The following PARVB variants were observed in gnomAD, a reference collection of about 807,000 sequenced individuals.
PARVB encodes parvin beta, also known as beta-parvin.
Under a neutral mutation model 47.0 loss-of-function variants are expected in PARVB, and 46 were observed. The ratio of observed to expected loss-of-function variants is 0.98; its 90% CI spans 0.77 to 1.25. The LOEUF is 1.25. Among genes scored for constraint, PARVB ranks in the 50% most tolerant of loss-of-function variants. The pLI, the probability that PARVB is intolerant of heterozygous loss-of-function variation, is 0.00. For synonymous variants in PARVB, 196 were observed against 196.3 expected, an observed-to-expected ratio of 1.00 and a Z score of 0.01; for missense variants, 473 against 471.6, an observed-to-expected ratio of 1.00 and a Z score of -0.03.
In PARVB at chr22:44,155,411, G is replaced by A. The variant is rs956438624; in HGVS notation, c.844-2571G>A. Among the ~76,000 whole-genome samples, 1 of 152,194 alleles carries A rather than the reference G, an allele frequency of 6.6e-6. No homozygotes were observed. The highest frequency in any genetic ancestry group is 2.4e-5 in the African/African-American group (1 of 41,454). The stretch of plus-strand genomic sequence containing the variant: ...TGCTTGTGAAAGTGGAGGGTCACCC[G>A]CTCGCAGCTGGGCCCCCCAGCCCTG... On this transcript the variant is annotated intron_variant, in intron 10 of 12. Coordinates refer to ENST00000338758, the MANE Select transcript of PARVB (RefSeq NM_013327.5). This position sits in a 1 kb window ranked among gnomAD's most constrained non-coding sequence, Gnocchi z 4.8.
At chr22:44,071,279 G>A (rs976197953) in intron 1 of PARVB, among the ~76,000 whole-genome samples, 3 of 152,248 alleles carry the variant, frequency 2.0e-5, no homozygotes, top group East Asian at 1.9e-4. Context: ...ACCTGTGAAC[G>A]TCTAAACTGC....
intron 1 of PARVB, among the ~76,000 whole-genome samples, chr22:44,043,345 T>C (rs2051052808): frequency 6.6e-6 from 1 of 152,200 alleles, no homozygotes; most frequent in Non-Finnish European, 1.5e-5. Context: ...TCTGTGAATT[T>C]ACTAAAAATC....
At chr22:44,161,559 G>A (rs1235874602) in intron 11 of PARVB, among the ~76,000 whole-genome samples, 6 of 152,060 alleles carry the variant, frequency 3.9e-5, no homozygotes, top group East Asian at 1.9e-4. Flanking sequence ...TGATCCACCC[G>A]CCTCAGCCTC....
chr22:44,167,572 C>G (rs969305011), intron 12 of PARVB, among the ~76,000 whole-genome samples: 1 of 152,128 alleles, frequency 6.6e-6, no homozygotes, highest in African/African-American at 2.4e-5. Context: ...TGCTGCCCCC[C>G]TCGCCTTGGC....
At chr22:44,092,915 C>T (rs892660035) in intron 1 of PARVB, among the ~76,000 whole-genome samples, 2 of 152,130 alleles carry the variant, frequency 1.3e-5, no homozygotes, top group Admixed American at 1.3e-4. Context: ...GAGGAAATAC[C>T]ATTTTACTTC....
At chr22:44,096,774 C>T (rs2052317441) in intron 2 of PARVB, among the ~76,000 whole-genome samples, 1 of 152,128 alleles carries the variant, frequency 6.6e-6, no homozygotes, top group Non-Finnish European at 1.5e-5. Context: ...TGTCCTTGGG[C>T]ACGTTTTATT....
intron 10 of PARVB, among the ~76,000 whole-genome samples, chr22:44,154,872 T>C (rs907524282): frequency 1.0e-4 from 15 of 148,848 alleles, no homozygotes; most frequent in African/African-American, 3.5e-4. Flanking sequence ...TGGGGGTGTG[T>C]GTGTGTGGTT....
intron 11 of PARVB, among the ~76,000 whole-genome samples, chr22:44,159,123 C>T (rs148851975): frequency 6.6e-6 from 1 of 152,304 alleles, no homozygotes; most frequent in Non-Finnish European, 1.5e-5. Flanking sequence ...CAGAATTGTG[C>T]AGAACTCACC....
At chr22:44,038,929 G>T (rs1179823266) in intron 1 of PARVB, among the ~76,000 whole-genome samples, 1 of 152,184 alleles carries the variant, frequency 6.6e-6, no homozygotes, top group Non-Finnish European at 1.5e-5. Context: ...CACAGTCAAC[G>T]CAGTAAAAGA....
At chr22:44,127,888 G>A (rs1225909072) in intron 4 of PARVB, among the ~76,000 whole-genome samples, 1 of 151,926 alleles carries the variant, frequency 6.6e-6, no homozygotes, top group African/African-American at 2.4e-5. Context: ...AGGCTTGGAT[G>A]ATCTTCCCAC....
chr22:44,011,046 G>A (rs1270907819), intron 2 of PARVB, among the ~76,000 whole-genome samples: 5 of 152,100 alleles, frequency 3.3e-5, no homozygotes, highest in African/African-American at 4.8e-5. Context: ...GGATGGTCTC[G>A]ATCTCCTGAC....
chr22:44,093,887 C>T (rs781168181), intron 1 of PARVB, 41 bp from the exon 2 acceptor site: 35 of 1,345,932 alleles, frequency 2.6e-5, no homozygotes, highest in South Asian at 2.4e-4. Context: ...CACGGCACTC[C>T]GTGTATACTA....
At chr22:44,037,091 G>A (rs2050935550) in intron 1 of PARVB, among the ~76,000 whole-genome samples, 1 of 152,036 alleles carries the variant, frequency 6.6e-6, no homozygotes, top group African/African-American at 2.4e-5. Context: ...GGAGGCCAAG[G>A]CAGGAGGATC....
At chr22:44,038,753 G>T (rs1444642672) in intron 1 of PARVB, among the ~76,000 whole-genome samples, 1 of 152,080 alleles carries the variant, frequency 6.6e-6, no homozygotes, top group Non-Finnish European at 1.5e-5. Flanking sequence ...CTGCACTCCA[G>T]CCTGGGCGAC....
intron 2 of PARVB, among the ~76,000 whole-genome samples, chr22:44,099,268 T>A (rs889531780): frequency 2.0e-5 from 3 of 152,162 alleles, no homozygotes; most frequent in Non-Finnish European, 2.9e-5. Context: ...TCCCTGTGTG[T>A]GTTCAGAGGT....
chr22:44,164,409 T>TC (rs139083), intron 12 of PARVB, among the ~76,000 whole-genome samples: 58,382 of 142,156 alleles, frequency 0.41, 12,150 homozygotes, highest in East Asian at 0.65. Flanking sequence ...TGCTTCCCTG[T>TC]CCCCCCCCCG....
intron 2 of PARVB, among the ~76,000 whole-genome samples, chr22:44,004,403 C>G (rs999238735): frequency 1.4e-4 from 21 of 152,102 alleles, no homozygotes; most frequent in South Asian, 6.2e-4. Context: ...TGTGACCCCC[C>G]CCTTACTCTC....
At chr22:44,104,141 T>C (rs973923031) in intron 3 of PARVB, 6 of 152,200 alleles carry the variant, frequency 3.9e-5, no homozygotes, top group African/African-American at 1.4e-4. Context: ...TCCTTGGCCA[T>C]TTCCTGGAAG....
At chr22:44,069,006 C>T (rs2051593807) in intron 1 of PARVB, 2 of 938,294 alleles carry the variant, frequency 2.1e-6, no homozygotes, top group Non-Finnish European at 3.2e-6. Flanking sequence ...CTGTGACCTT[C>T]CTCAAAGGCT....
Sources: allele counts gnomAD v4.1 joint callset (sites outside exome capture counted in the v4.1 genomes callset), GRCh38; gene constraint gnomAD v4.1.1; non-coding constraint Gnocchi (gnomAD v3.1); transcripts MANE v1.5; gene names NCBI Gene and HGNC (gene_info 2026-07-23, HGNC 2026-07-21).